The following KCNC1 variants were observed in gnomAD, a reference collection of about 807,000 sequenced individuals.
The protein encoded by KCNC1 is voltage-gated potassium channel KCNC1.
In KCNC1, 8 loss-of-function variants were observed where a neutral mutation model predicts 43.4. The observed-to-expected ratio is 0.18, with a 90% CI of 0.11 to 0.33. KCNC1 has a LOEUF of 0.33. Ranked by LOEUF, KCNC1 falls within the 10% of genes least tolerant of loss-of-function variation. The pLI, the probability that KCNC1 is intolerant of heterozygous loss-of-function variation, is 1.00. For missense variants in KCNC1, 420 were observed against 836.0 expected (o/e 0.50, Z 6.14); for synonymous variants, 361 against 360.5 (o/e 1.00, Z -0.01).
intron 1 of KCNC1, among the ~76,000 whole-genome samples, chr11:17,740,646 G>GTGTGTGTT (rs1848827970): frequency 6.6e-6 from 1 of 152,116 alleles, no homozygotes; most frequent in African/African-American, 2.4e-5. Flanking sequence ...TGTCCTGTGT[G>GTGTGTGTT]TGTGTGTTTG....
chr11:17,744,657 G>A (rs1212575892), intron 1 of KCNC1, among the ~76,000 whole-genome samples: 1 of 152,182 alleles, frequency 6.6e-6, no homozygotes, highest in Non-Finnish European at 1.5e-5. Context: ...GCCAGGCTGT[G>A]GGGTCTGGAG....
chr11:17,754,932 T>C (rs1849007508), intron 1 of KCNC1, among the ~76,000 whole-genome samples: 1 of 152,198 alleles, frequency 6.6e-6, no homozygotes, highest in South Asian at 2.1e-4. Context: ...TATTTTCTTA[T>C]AGGTAAATTA....
At chr11:17,750,477 C>T (rs1399712634) in intron 1 of KCNC1, among the ~76,000 whole-genome samples, 10 of 152,136 alleles carry the variant, frequency 6.6e-5, no homozygotes, top group Admixed American at 4.6e-4. Context: ...TGGCTGTCAC[C>T]AAGCAGATAT....
Position 17,739,692 on chromosome 11 carries a change from TG to T in KCNC1, c.570+3121del, listed in dbSNP as rs1848816819. Among the ~76,000 whole-genome samples, 1 of 151,788 alleles carries T rather than the reference TG, an allele frequency of 6.6e-6. No individual in the cohort carries two copies. The highest frequency in any genetic ancestry group is 6.6e-5 in the Admixed American group (1 of 15,230). The stretch of plus-strand genomic sequence containing the variant: ...GTGAGTCTGTGTGTGTGTGTGTGTG[TG>T]TGTGTGTGTACATGCGTGTACACAT... On this transcript the variant is annotated intron_variant, in intron 1 of 3. Transcript: ENST00000265969. This position sits in a 1 kb window ranked among gnomAD's most constrained non-coding sequence, Gnocchi z 4.2.
At chr11:17,769,198 G>A (rs1318641818) in intron 1 of KCNC1, among the ~76,000 whole-genome samples, 1 of 152,146 alleles carries the variant, frequency 6.6e-6, no homozygotes, top group East Asian at 1.9e-4. Context: ...GTCTCTGAAT[G>A]TATCCTTCAC....
intron 1 of KCNC1, among the ~76,000 whole-genome samples, chr11:17,763,414 C>T (rs1849099897): frequency 6.6e-6 from 1 of 151,938 alleles, no homozygotes; most frequent in Non-Finnish European, 1.5e-5. Flanking sequence ...AGAACACGTG[C>T]CCAGAGTGCC....
chr11:17,767,764 G>A (rs1467472962), intron 1 of KCNC1, among the ~76,000 whole-genome samples: 2 of 152,214 alleles, frequency 1.3e-5, no homozygotes, highest in Non-Finnish European at 2.9e-5. Context: ...CCTGAGCAGT[G>A]TGAGAGGCCT....
rs541107052 is a variant in KCNC1 at position 17,765,631 on chromosome 11, A to G, written c.571-6034A>G. Among the ~76,000 whole-genome samples the G allele has an allele frequency of 9.0e-3, 1,373 of 152,140 alleles. 13 individuals are homozygous for G. Among genetic ancestry groups the G allele is most frequent in the African/African-American group, 9.5e-3 (394 of 41,490 alleles). ...ACGGTTTGTGATTTGGTTTGGGGGG[A>G]GAAAAAGGCCAGAAACTACCAGTTT... is the stretch of plus-strand genomic sequence containing the variant. On this transcript the variant is annotated intron_variant, in intron 1 of 3. Transcript: ENST00000265969.
chr11:17,751,388 G>A (rs551941355), intron 1 of KCNC1, among the ~76,000 whole-genome samples: 5 of 152,220 alleles, frequency 3.3e-5, no homozygotes, highest in African/African-American at 1.2e-4. Context: ...TGACTCAGTG[G>A]ATGGGTAAAC....
intron 1 of KCNC1, among the ~76,000 whole-genome samples, chr11:17,769,667 C>T (rs556908065): frequency 6.6e-6 from 1 of 151,612 alleles, no homozygotes; most frequent in African/African-American, 2.4e-5. Context: ...CATAGAGAGA[C>T]CCCATCTCTG....
At chr11:17,737,820 T>C (rs940873784) in intron 1 of KCNC1, among the ~76,000 whole-genome samples, 1 of 152,068 alleles carries the variant, frequency 6.6e-6, no homozygotes, top group African/African-American at 2.4e-5. Flanking sequence ...ATCTCTCCCC[T>C]CCTGCGCACT....
rs1373501839 is a variant in KCNC1, at chr11:17,763,642, CCACA to C, written c.571-8021_571-8018del. On this transcript the variant is annotated intron_variant, in intron 1 of 3. Coordinates refer to ENST00000265969, the MANE Select transcript of KCNC1 (RefSeq NM_001112741.2). ...TATACACACCCACACACACACACCC[CCACA>C]CCACACCACACGCAATAACACACAG... Among the ~76,000 whole-genome samples the C allele has an allele frequency of 1.9e-3, 231 of 119,162 alleles. 2 individuals carry two copies. Among genetic ancestry groups the C allele is most frequent in the South Asian group, 7.1e-3 (23 of 3,224 alleles). 78.2% of individuals were successfully genotyped at this position (119,162 alleles called of 152,430 possible). A position where few individuals can be genotyped will look rare whatever the true frequency, so the allele number is the denominator to read the frequency against.
Position 17,777,955 on chromosome 11 carries a change from CGGGAGAG to C in KCNC1, c.1505-1500_1505-1494del. 7 of 573,612 alleles carry C rather than the reference CGGGAGAG, an allele frequency of 1.2e-5. No homozygotes were observed. The highest frequency in any genetic ancestry group is 1.3e-5 in the Non-Finnish European group (6 of 453,720). The allele number at this position is 573,612 out of a possible 1,614,324, so 35.5% of individuals were successfully genotyped here. On this transcript the variant is annotated intron_variant, in intron 2 of 3. Coordinates refer to ENST00000265969, the MANE Select transcript of KCNC1 (RefSeq NM_001112741.2). The surrounding 1 kb of genome is among the most constrained non-coding windows in gnomAD (Gnocchi z 4.3). ...TAGTTACATGATGTGAACAGGATCACGGGAGAGTGTTCAATCGGGTGGACATTGTCTC... is the reference window on the plus strand; with the variant it reads ...TAGTTACATGATGTGAACAGGATCACTGTTCAATCGGGTGGACATTGTCTC...
intron 1 of KCNC1, among the ~76,000 whole-genome samples, chr11:17,752,355 G>A (rs1045938158): frequency 1.3e-5 from 2 of 152,182 alleles, no homozygotes; most frequent in South Asian, 4.1e-4. Context: ...GGGAAACCAG[G>A]TCCCGATGAG....
intron 1 of KCNC1, among the ~76,000 whole-genome samples, chr11:17,767,193 G>A (rs1283419064): frequency 6.6e-6 from 1 of 151,030 alleles, no homozygotes; most frequent in African/African-American, 2.4e-5. Flanking sequence ...CTACTTGGGA[G>A]GCTGAGGTGG....
At chr11:17,738,715 A>C (rs1031310479) in intron 1 of KCNC1, among the ~76,000 whole-genome samples, 3 of 152,214 alleles carry the variant, frequency 2.0e-5, no homozygotes, top group Non-Finnish European at 4.4e-5. Context: ...ATTGGTGTGC[A>C]AAACCGTACA....
chr11:17,773,765 A>C lies in KCNC1; in HGVS notation c.1504+1167A>C, dbSNP rs1849256757. 1 of 985,402 alleles carries C rather than the reference A, an allele frequency of 1.0e-6. No homozygotes were observed. Among genetic ancestry groups the C allele is most frequent in the Non-Finnish European group, 1.2e-6 (1 of 829,968 alleles). The allele number at this position is 985,402 out of a possible 1,614,324, so 61.0% of individuals were successfully genotyped here. A position where few individuals can be genotyped will look rare whatever the true frequency, so the allele number is the denominator to read the frequency against. On this transcript the variant is annotated intron_variant, in intron 2 of 3. Transcript: ENST00000265969. This position sits in a 1 kb window ranked among gnomAD's most constrained non-coding sequence, Gnocchi z 4.1. ...AATACCATCGACTTATTCTGTGGAC[A>C]CAGGGATTTCAAAGGAACAGATGAC...
chr11:17,747,031 G>T (rs976273684), intron 1 of KCNC1, among the ~76,000 whole-genome samples: 9 of 152,168 alleles, frequency 5.9e-5, no homozygotes, highest in Admixed American at 5.9e-4. Flanking sequence ...TCGGCCCTGC[G>T]AGATTCAAAT....
Position 17,781,570 on chromosome 11 carries a change from C to T in KCNC1, c.1694-100C>T, listed in dbSNP as rs1416087247. 1.2e-6 allele frequency: 1 copy of T among 831,698 alleles called. No homozygotes were observed. The highest frequency in any genetic ancestry group is 1.7e-5 in the African/African-American group (1 of 59,186). 51.5% of individuals were successfully genotyped at this position (831,698 alleles called of 1,614,324 possible). On this transcript the variant is annotated intron_variant, in intron 3 of 3. Transcript: ENST00000265969. This position sits in a 1 kb window ranked among gnomAD's most constrained non-coding sequence, Gnocchi z 5.1. ...AGAATCTGCCTGCCTCTGCATGCGG[C>T]TGTTCTGTCTTTCCTCCTCCTTCTT...
Sources: allele counts gnomAD v4.1 joint callset (sites outside exome capture counted in the v4.1 genomes callset), GRCh38; gene constraint gnomAD v4.1.1; non-coding constraint Gnocchi (gnomAD v3.1); transcripts MANE v1.5; gene names NCBI Gene and HGNC (gene_info 2026-07-23, HGNC 2026-07-21).